The following FOXJ3 variants were observed in gnomAD, a reference collection of about 807,000 sequenced individuals.
FOXJ3 encodes forkhead box J3.
FOXJ3 carries 22 observed loss-of-function variants against 76.1 expected under a neutral mutation model. The ratio of observed to expected loss-of-function variants is 0.29; its 90% CI spans 0.21 to 0.41. The LOEUF is 0.41. Ranked by LOEUF, FOXJ3 falls within the 10% of genes least tolerant of loss-of-function variation. The pLI, the probability that FOXJ3 is intolerant of heterozygous loss-of-function variation, is 1.00. For synonymous variants in FOXJ3, 269 were observed against 261.2 expected, an observed-to-expected ratio of 1.03 and a Z score of -0.29; for missense variants, 613 against 762.1, an observed-to-expected ratio of 0.80 and a Z score of 2.30.
At chr1:42,217,468 G>A (rs542820416) in intron 5 of FOXJ3, among the ~76,000 whole-genome samples, 204 of 152,198 alleles carry the variant, frequency 1.3e-3, no homozygotes, top group African/African-American at 4.1e-3. Context: ...GGCAGAGGTT[G>A]CAGTGAGCCG....
chr1:42,333,479 T>G (rs1306247456), intron 1 of FOXJ3, among the ~76,000 whole-genome samples: 18 of 152,124 alleles, frequency 1.2e-4, no homozygotes, highest in Non-Finnish European at 1.5e-5. Context: ...CCAAGAAGAT[T>G]CACCTCAATT....
At chr1:42,264,700 G>A (rs1347983949) in intron 4 of FOXJ3, among the ~76,000 whole-genome samples, 1 of 152,224 alleles carries the variant, frequency 6.6e-6, no homozygotes, top group African/African-American at 2.4e-5. Context: ...GAAGAGTCAA[G>A]TACAGAATAC....
chr1:42,319,613 A>T (rs976858724), intron 1 of FOXJ3, among the ~76,000 whole-genome samples: 12 of 152,334 alleles, frequency 7.9e-5, no homozygotes, highest in Admixed American at 7.2e-4. Context: ...TCCTGTGAAT[A>T]TACTAAAAAA....
chr1:42,322,430 G>T (rs535191391), intron 1 of FOXJ3, among the ~76,000 whole-genome samples: 6 of 151,912 alleles, frequency 3.9e-5, no homozygotes, highest in African/African-American at 1.4e-4. Flanking sequence ...AAAAGACAGT[G>T]TCTATGATTT....
At chr1:42,318,358 G>A (rs1168155325) in intron 1 of FOXJ3, among the ~76,000 whole-genome samples, 2 of 152,202 alleles carry the variant, frequency 1.3e-5, no homozygotes, top group East Asian at 1.9e-4. Flanking sequence ...TTTTTATTTT[G>A]GAGATGGAGT....
chr1:42,311,677 T>TAGTAGTAGTAGC (rs1654824480), intron 1 of FOXJ3, among the ~76,000 whole-genome samples: 1 of 151,916 alleles, frequency 6.6e-6, no homozygotes. Context: ...GTAGTAGTAG[T>TAGTAGTAGTAGC]AAAGAGAAGC....
At chr1:42,284,714 C>T (rs1016794260) in intron 2 of FOXJ3, among the ~76,000 whole-genome samples, 1 of 152,158 alleles carries the variant, frequency 6.6e-6, no homozygotes. Flanking sequence ...GAAGGCCTCA[C>T]GAAAGCCACC....
intron 2 of FOXJ3, among the ~76,000 whole-genome samples, chr1:42,299,840 A>C (rs1342766615): frequency 6.6e-6 from 1 of 152,058 alleles, no homozygotes; most frequent in African/African-American, 2.4e-5. Context: ...CCCAGGAGGC[A>C]GAGGTCGCAG....
chr1:42,290,358 G>T (rs761842705), intron 2 of FOXJ3, among the ~76,000 whole-genome samples: 2 of 152,106 alleles, frequency 1.3e-5, no homozygotes, highest in Admixed American at 1.3e-4. Context: ...ACCTTCTGTT[G>T]TAACAGTGCA....
intron 3 of FOXJ3, among the ~76,000 whole-genome samples, chr1:42,273,182 G>A (rs1490962688): frequency 6.6e-6 from 1 of 152,126 alleles, no homozygotes; most frequent in Non-Finnish European, 1.5e-5. Flanking sequence ...ACTATTTATA[G>A]CACAGCACTC....
chr1:42,259,340 T>C lies in FOXJ3; in HGVS notation c.444+5775A>G, dbSNP rs143882212. On this transcript the variant is annotated intron_variant, in intron 4 of 12. Coordinates refer to ENST00000361346, the MANE Select transcript of FOXJ3 (RefSeq NM_014947.5). ...GCTGTGTTTGTTGAAACTAATAGAA[T>C]TACACACCAAAGAGTAAATTTCACC... 5.2e-3 allele frequency among the ~76,000 whole-genome samples: 788 copies of C among 152,270 alleles called. 7 individuals are homozygous for C. Among genetic ancestry groups the C allele is most frequent in the African/African-American group, 0.018 (747 of 41,552 alleles).
chr1:42,310,982 A>G, intron 2 of FOXJ3, 68 bp downstream of exon 2: 3 of 893,794 alleles, frequency 3.4e-6, no homozygotes, highest in Non-Finnish European at 5.2e-6. Context: ...TCATTGTAAT[A>G]TGAGGTGACC....
intron 1 of FOXJ3, among the ~76,000 whole-genome samples, chr1:42,313,664 G>A (rs1654939824): frequency 6.6e-6 from 1 of 152,120 alleles, no homozygotes; most frequent in Non-Finnish European, 1.5e-5. Flanking sequence ...CCTCGTCCTG[G>A]GAAATGGGGT....
In FOXJ3 at chr1:42,181,897, A is replaced by ACTCT. The variant is rs150006846; in HGVS notation, c.1753+16_1753+19dup. ...CACACACACACACACACACACACTC[A>ACTCT]CTCTCTCTCTCTCTCTTACCTGCCA... On this transcript the variant is annotated intron_variant, in intron 12 of 12. Transcript: ENST00000361346. 14 of 1,193,176 alleles carry ACTCT rather than the reference A, an allele frequency of 1.2e-5. No homozygotes were observed. The highest frequency in any genetic ancestry group is 3.4e-5 in the African/African-American group (2 of 59,138). The allele number at this position is 1,193,176 out of a possible 1,614,324, so 73.9% of individuals were successfully genotyped here. A position where few individuals can be genotyped will look rare whatever the true frequency, so the allele number is the denominator to read the frequency against.
chr1:42,297,405 T>C (rs982360603), intron 2 of FOXJ3, among the ~76,000 whole-genome samples: 7 of 152,196 alleles, frequency 4.6e-5, no homozygotes, highest in South Asian at 2.1e-4. Flanking sequence ...GTCTGTAGGT[T>C]TGTCATATAT....
chr1:42,251,706 A>ATTTTTTTTTTTTTTTTT (rs1168120638), intron 4 of FOXJ3, among the ~76,000 whole-genome samples: 3 of 87,572 alleles, frequency 3.4e-5, no homozygotes, highest in African/African-American at 1.5e-4. Context: ...GTTTGCCAGT[A>ATTTTTTTTTTTTTTTTT]TTTTTTTTTT....
At chr1:42,310,455 T>C (rs1483802124) in intron 2 of FOXJ3, among the ~76,000 whole-genome samples, 1 of 151,162 alleles carries the variant, frequency 6.6e-6, no homozygotes, top group Non-Finnish European at 1.5e-5. Context: ...TTTTTCTTTT[T>C]TTTTTTTTTT....
At chr1:42,181,891 A>ACT (rs1646329930) in intron 12 of FOXJ3, 26 bp downstream of exon 12, 1 of 1,341,808 alleles carries the variant, frequency 7.5e-7, no homozygotes, top group Non-Finnish European at 1.1e-6. Context: ...ACACACACAC[A>ACT]CACTCACTCT....
intron 6 of FOXJ3, among the ~76,000 whole-genome samples, chr1:42,203,045 C>G: frequency 6.6e-6 from 1 of 152,014 alleles, no homozygotes; most frequent in South Asian, 2.1e-4. Flanking sequence ...ACCCTTTTTT[C>G]TTTCTGTGCT....
Sources: gnomAD v4.1 joint callset for allele counts (sites outside exome capture counted in the v4.1 genomes callset) on GRCh38, gnomAD v4.1.1 for gene constraint, MANE v1.5 for transcripts, NCBI Gene and HGNC (gene_info 2026-07-23, HGNC 2026-07-21) for gene names.